RAP1GAP2: variants seen among roughly 807,000 people sequenced by gnomAD.
RAP1GAP2 encodes rap1 GTPase-activating protein 2.
A neutral mutation model predicts 95.0 loss-of-function variants in RAP1GAP2; 27 were observed. The observed-to-expected ratio is 0.28, with a 90% CI of 0.21 to 0.39. RAP1GAP2 has a LOEUF of 0.39. Among genes scored for constraint, RAP1GAP2 ranks in the 10% least tolerant of loss-of-function variants. The probability of loss-of-function intolerance (pLI) is 1.00; values close to 1 mark genes in which losing one functional copy is unlikely to be tolerated. For synonymous variants in RAP1GAP2, 373 were observed against 380.9 expected, an observed-to-expected ratio of 0.98 and a Z score of 0.24; for missense variants, 771 against 970.0, an observed-to-expected ratio of 0.79 and a Z score of 2.72.
At chr17:2,832,951 C>A (rs969083806) in intron 2 of RAP1GAP2, among the ~76,000 whole-genome samples, 1 of 151,924 alleles carries the variant, frequency 6.6e-6, no homozygotes, top group Non-Finnish European at 1.5e-5. Context: ...GCACTCCAGC[C>A]CGGGTCACAG....
rs560691709 is a variant in RAP1GAP2, at chr17:2,997,156, A to G, written c.1045-1065A>G. Among the ~76,000 whole-genome samples, 12 of 150,874 alleles carry G rather than the reference A, an allele frequency of 8.0e-5. No individual in the cohort carries two copies. In the South Asian group the frequency reaches 2.1e-3, roughly 26 times the overall value. On this transcript the variant is annotated intron_variant, in intron 13 of 24. Coordinates refer to ENST00000254695, the MANE Select transcript of RAP1GAP2 (RefSeq NM_015085.5). ...GTGCTTGGTGGCCGAGATCACACCC[A>G]GAAGCACCTGGCCCTGCTTGGGATA...
At chr17:2,940,186 T>G (rs2043442806) in intron 3 of RAP1GAP2, among the ~76,000 whole-genome samples, 1 of 151,976 alleles carries the variant, frequency 6.6e-6, no homozygotes, top group Non-Finnish European at 1.5e-5. Flanking sequence ...CCCGAGTGGC[T>G]GTTTGCCTGC....
At chr17:2,938,686 A>G (rs1012571241) in intron 3 of RAP1GAP2, among the ~76,000 whole-genome samples, 41 of 152,250 alleles carry the variant, frequency 2.7e-4, no homozygotes, top group Non-Finnish European at 5.9e-5. Context: ...AACACCTTGG[A>G]TAAAAAAAAT....
intron 2 of RAP1GAP2, among the ~76,000 whole-genome samples, chr17:2,807,321 T>TA (rs891922820): frequency 4.6e-5 from 7 of 152,232 alleles, no homozygotes; most frequent in African/African-American, 1.7e-4. Context: ...GAGGCACCAC[T>TA]ACGATGTTCT....
intron 2 of RAP1GAP2, among the ~76,000 whole-genome samples, chr17:2,810,245 C>G (rs1474014852): frequency 6.6e-6 from 1 of 152,102 alleles, no homozygotes; most frequent in Admixed American, 6.6e-5. Context: ...AACCTAATCC[C>G]CGATGGCCTT....
At chr17:2,761,021 C>A (rs999255231) in intron 1 of RAP1GAP2, among the ~76,000 whole-genome samples, 1 of 151,588 alleles carries the variant, frequency 6.6e-6, no homozygotes, top group African/African-American at 2.4e-5. Context: ...ATGGTGTGAT[C>A]TCTGCACACT....
intron 2 of RAP1GAP2, among the ~76,000 whole-genome samples, chr17:2,838,016 CTTTTTTTT>C (rs71153304): frequency 2.1e-5 from 2 of 94,442 alleles, no homozygotes; most frequent in African/African-American, 8.8e-5. Context: ...TTCTTTTTTC[CTTTTTTTT>C]TTTTTTTTTT....
Position 3,020,566 on chromosome 17 carries a change from A to G in RAP1GAP2, c.1722A>G (p.Ser574=). ...TCTTCCCCCGCCTGCACACGGGCTC[A>G]GAAGGCCAGGGCGACAGCCGGGCAC... ...SGLFPRLHTG[S]EGQGDSRARC... The change falls in exon 19 of 25, where the codon TCA becomes TCG. Residue 574 remains serine (S), a synonymous_variant. Transcript: ENST00000254695. 6.2e-7 allele frequency: 1 copy of G among 1,613,912 alleles called. No homozygotes were observed. The highest frequency in any genetic ancestry group is 8.5e-7 in the Non-Finnish European group (1 of 1,179,858).
chr17:2,947,658 T>C (rs2043752287), intron 3 of RAP1GAP2, among the ~76,000 whole-genome samples: 1 of 152,048 alleles, frequency 6.6e-6, no homozygotes, highest in African/African-American at 2.4e-5. Flanking sequence ...GCAGCCAGCC[T>C]GGTGGCCGGC....
chr17:2,826,412 T>A (rs1473233721), intron 2 of RAP1GAP2, among the ~76,000 whole-genome samples: 1 of 151,882 alleles, frequency 6.6e-6, no homozygotes, highest in Admixed American at 6.6e-5. Context: ...TGGAGGGACA[T>A]GGCAGGAAAC....
In RAP1GAP2 at chr17:2,965,790, TG is replaced by T; in HGVS notation, c.596+151del. 1 of 644,506 alleles carries T rather than the reference TG, an allele frequency of 1.6e-6. No individual in the cohort carries two copies. Among genetic ancestry groups the T allele is most frequent in the Non-Finnish European group, 2.7e-6 (1 of 374,386 alleles). 39.9% of individuals were successfully genotyped at this position (644,506 alleles called of 1,614,324 possible). On this transcript the variant is annotated intron_variant, in intron 8 of 24. Transcript: ENST00000254695. This position sits in a 1 kb window ranked among gnomAD's most constrained non-coding sequence, Gnocchi z 4.7. Reference sequence around the variant, plus strand: ...GACGGGGACAGGCCTGCTGGAATCCTGGGGCTGTGTCTGAAGTTGCCTAGCA... The same window carrying T: ...GACGGGGACAGGCCTGCTGGAATCCTGGGCTGTGTCTGAAGTTGCCTAGCA...
At position 2,829,425 on chromosome 17, in the gene RAP1GAP2, C is replaced by T. The variant is rs1337522769; in HGVS notation, c.80+28875C>T. Among the ~76,000 whole-genome samples, 148 of 152,032 alleles carry T rather than the reference C, an allele frequency of 9.7e-4. 3 individuals carry two copies. The highest frequency in any genetic ancestry group is 9.6e-3 in the Admixed American group (146 of 15,226). ...AGGGCTGGGGCTGGGGTCGTGACCC[C>T]GTCGGTAGAAAATGGTCCCAGCGAC... On this transcript the variant is annotated intron_variant, in intron 2 of 24. Transcript: ENST00000254695.
At chr17:2,809,985 G>A (rs1257882343) in intron 2 of RAP1GAP2, among the ~76,000 whole-genome samples, 2 of 151,820 alleles carry the variant, frequency 1.3e-5, no homozygotes, top group African/African-American at 4.8e-5. Context: ...GTCAATAGGG[G>A]CTGTCAGTGG....
Position 3,005,153 on chromosome 17 carries a change from A to AT in RAP1GAP2, c.1201-215dup, listed in dbSNP as rs1357183274. On this transcript the variant is annotated intron_variant, in intron 14 of 24. Transcript: ENST00000254695. This position sits in a 1 kb window ranked among gnomAD's most constrained non-coding sequence, Gnocchi z 5.2. ...CCAAACCTGCTTCTGGCCTCCAGGA[A>AT]TGCAGATGAGAGGCTGCGGATGGCC... Among the ~76,000 whole-genome samples, 4 of 152,158 alleles carry AT rather than the reference A, an allele frequency of 2.6e-5. No homozygotes were observed. Among genetic ancestry groups the AT allele is most frequent in the African/African-American group, 9.7e-5 (4 of 41,440 alleles).
In RAP1GAP2 at chr17:2,816,978, T is replaced by A. The variant is rs1454978074; in HGVS notation, c.80+16428T>A. Among the ~76,000 whole-genome samples, 8 of 96,334 alleles carry A rather than the reference T, an allele frequency of 8.3e-5. 2 individuals carry two copies. Among genetic ancestry groups the A allele is most frequent in the Non-Finnish European group, 1.9e-4 (8 of 41,854 alleles). 63.2% of individuals were successfully genotyped at this position (96,334 alleles called of 152,430 possible). A position where few individuals can be genotyped will look rare whatever the true frequency, so the allele number is the denominator to read the frequency against. On this transcript the variant is annotated intron_variant, in intron 2 of 24. Coordinates refer to ENST00000254695, the MANE Select transcript of RAP1GAP2 (RefSeq NM_015085.5). ...ATCCATGTTGTAGCGTGTGTCAGAA[T>A]TTCCTTTTTTTTTTTTTTTTTTTTT...
In RAP1GAP2 at chr17:2,956,614, T is replaced by A. The variant is rs75083065; in HGVS notation, c.166-1145T>A. 3.1e-3 allele frequency among the ~76,000 whole-genome samples: 471 copies of A among 152,330 alleles called. 6 individuals carry two copies. The highest frequency in any genetic ancestry group is 0.028 in the South Asian group (136 of 4,830). On this transcript the variant is annotated intron_variant, in intron 3 of 24. Transcript: ENST00000254695. ...TCTGGGCACTCATGACCTCCCGGCT[T>A]CGCGGTGCCCAGATGTGGGCAGTGA...
chr17:2,961,845 G>T (rs926834166), intron 4 of RAP1GAP2, among the ~76,000 whole-genome samples: 1 of 150,696 alleles, frequency 6.6e-6, no homozygotes, highest in African/African-American at 2.4e-5. Flanking sequence ...CAACAGGCAT[G>T]ACTTCCTATG....
chr17:2,886,710 T>C (rs2073517238), intron 2 of RAP1GAP2, among the ~76,000 whole-genome samples: 1 of 152,204 alleles, frequency 6.6e-6, no homozygotes, highest in Admixed American at 6.5e-5. Flanking sequence ...GCACGGCCCT[T>C]GAACTACCCA....
intron 3 of RAP1GAP2, among the ~76,000 whole-genome samples, chr17:2,957,449 G>A (rs1444291775): frequency 6.6e-6 from 1 of 152,254 alleles, no homozygotes; most frequent in Non-Finnish European, 1.5e-5. Flanking sequence ...GAGGACGATA[G>A]GCGTTTGCAG....
Sources: allele counts gnomAD v4.1 joint callset (sites outside exome capture counted in the v4.1 genomes callset), GRCh38; gene constraint gnomAD v4.1.1; non-coding constraint Gnocchi (gnomAD v3.1); transcripts MANE v1.5; gene names NCBI Gene and HGNC (gene_info 2026-07-23, HGNC 2026-07-21).